Variants in CHIA observed in about 807,000 individuals in gnomAD.
The protein encoded by CHIA is acidic mammalian chitinase.
A neutral mutation model predicts 53.5 loss-of-function variants in CHIA; 47 were observed. That is an observed-to-expected ratio of 0.88 (90% CI 0.70 to 1.12). The LOEUF (loss-of-function observed/expected upper bound fraction) is 1.12, where lower values mean the gene tolerates loss of function less well. Among genes scored for constraint, CHIA ranks in the 50% most tolerant of loss-of-function variants. The pLI is 0.00. For synonymous variants in CHIA, 268 were observed against 222.2 expected (o/e 1.21, Z -1.83); for missense variants, 652 against 592.2 (o/e 1.10, Z -1.05).
At chr1:111,311,792 C>A (rs1386201945) in intron 3 of CHIA, 74 bp downstream of exon 3, 42 of 1,494,730 alleles carry the variant, frequency 2.8e-5, no homozygotes, top group Non-Finnish European at 3.8e-5. Context: ...AAGAGAGCCG[C>A]TGTTTGCTTC....
At position 111,298,374 on chromosome 1, in the gene CHIA, C is replaced by G. The variant is rs550246036; in HGVS notation, c.-69+7424C>G. 8.5e-5 allele frequency among the ~76,000 whole-genome samples: 13 copies of G among 152,280 alleles called. No individual in the cohort carries two copies. In the East Asian group the frequency reaches 2.5e-3, roughly 29 times the overall value. On this transcript the variant is annotated intron_variant, in intron 1 of 11. Coordinates refer to ENST00000369740, the MANE Select transcript of CHIA (RefSeq NM_201653.4). ...GCACTCCTCAGCAAATGTAAAAGAA[C>G]AGAAATCACAACAAACTGTCTCTAA... is the stretch of plus-strand genomic sequence containing the variant.
chr1:111,297,353 C>A (rs182929686), intron 1 of CHIA, among the ~76,000 whole-genome samples: 1 of 152,196 alleles, frequency 6.6e-6, no homozygotes, highest in African/African-American at 2.4e-5. Flanking sequence ...CAAAGGAAAA[C>A]CCATTGGACT....
rs749350753 is a variant in CHIA at position 111,312,227 on chromosome 1, G to T, written c.93G>T (p.Trp31Cys). ...AYQLTCYFTN[W>C]AQYRPGLGRF... ...AGCTGACATGCTACTTCACCAACTG[G>T]GCCCAGTACCGGCCAGGCCTGGGGC... is the stretch of plus-strand genomic sequence containing the variant. The change falls in exon 4 of 12, where the codon TGG becomes TGT. Residue 31 changes from tryptophan to cysteine, a missense_variant. Trp to Cys is a radical substitution (Grantham distance 215). Coordinates refer to ENST00000369740, the MANE Select transcript of CHIA (RefSeq NM_201653.4). 3 of 1,614,006 alleles carry T rather than the reference G, an allele frequency of 1.9e-6. No individual in the cohort carries two copies. The highest frequency in any genetic ancestry group is 2.2e-5 in the South Asian group (2 of 91,074).
chr1:111,313,350 G>A (rs1011311002), intron 4 of CHIA, among the ~76,000 whole-genome samples: 1 of 152,062 alleles, frequency 6.6e-6, no homozygotes, highest in Non-Finnish European at 1.5e-5. Flanking sequence ...CATTCTAAGC[G>A]GATTGAGTGG....
intron 1 of CHIA, among the ~76,000 whole-genome samples, chr1:111,301,298 C>T (rs1000788839): frequency 2.0e-5 from 3 of 152,114 alleles, no homozygotes; most frequent in African/African-American, 7.2e-5. Flanking sequence ...TATTGCGGCA[C>T]TATTCACAAT....
At chr1:111,300,250 C>G (rs544819402) in intron 1 of CHIA, among the ~76,000 whole-genome samples, 3 of 152,124 alleles carry the variant, frequency 2.0e-5, no homozygotes, top group South Asian at 4.2e-4. Flanking sequence ...TCATATGGAA[C>G]CAAAAAAGAG....
At chr1:111,296,021 A>G (rs970693252) in intron 1 of CHIA, among the ~76,000 whole-genome samples, 7 of 152,218 alleles carry the variant, frequency 4.6e-5, no homozygotes, top group African/African-American at 1.7e-4. Flanking sequence ...GGCATCCACC[A>G]TTGCTGAGGC....
intron 2 of CHIA, among the ~76,000 whole-genome samples, chr1:111,311,417 T>C (rs544196499): frequency 6.6e-6 from 1 of 152,346 alleles, no homozygotes; most frequent in East Asian, 1.9e-4. Flanking sequence ...AGTAAGTACA[T>C]CTTCCATAGA....
chr1:111,305,508 A>G (rs1056515893), intron 1 of CHIA, among the ~76,000 whole-genome samples: 1 of 152,232 alleles, frequency 6.6e-6, no homozygotes, highest in Admixed American at 6.5e-5. Context: ...CTCCTGGAAC[A>G]CATGCACAGC....
chr1:111,300,650 A>G (rs144854336), intron 1 of CHIA, among the ~76,000 whole-genome samples: 4,163 of 152,322 alleles, frequency 0.027, 85 homozygotes, highest in Non-Finnish European at 0.045. Context: ...CCTAGGCAAT[A>G]CCATTCAGGA....
At chr1:111,311,831 A>G in intron 3 of CHIA, 113 bp downstream of exon 3, 1 of 1,154,066 alleles carries the variant, frequency 8.7e-7, no homozygotes, top group Non-Finnish European at 1.3e-6. Flanking sequence ...TTTGGGAGTA[A>G]TCTAGTGTTT....
chr1:111,300,067 C>T (rs1352684063), intron 1 of CHIA, among the ~76,000 whole-genome samples: 1 of 152,030 alleles, frequency 6.6e-6, no homozygotes, highest in African/African-American at 2.4e-5. Flanking sequence ...AAGCACTGCT[C>T]AATGAAATTA....
Position 111,318,083 on chromosome 1 carries a change from A to T in CHIA, c.703A>T (p.Thr235Ser). 6.2e-7 allele frequency: 1 copy of T among 1,613,328 alleles called. No individual in the cohort carries two copies. Among genetic ancestry groups the T allele is most frequent in the East Asian group, 2.2e-5 (1 of 44,878 alleles). Reference sequence around the variant, plus strand: ...CCCCCTCTACAAATACCCGACTGACACCGGCAGCAACGCCTACCTCAATGT... The same window carrying T: ...CCCCCTCTACAAATACCCGACTGACTCCGGCAGCAACGCCTACCTCAATGT... Reference protein sequence around the residue: ...NSPLYKYPTDTGSNAYLNVDY... With the variant: ...NSPLYKYPTDSGSNAYLNVDY... The change falls in exon 8 of 12, where the codon ACC (threonine) becomes TCC (serine). Residue 235 changes from threonine (T) to serine (S), a missense_variant. Physicochemically the swap from Thr to Ser is moderately conservative, Grantham distance 58. Coordinates refer to ENST00000369740, the MANE Select transcript of CHIA (RefSeq NM_201653.4).
rs1303169576 is a variant in CHIA, at chr1:111,318,691, G to A, written c.915+13G>A. 6.2e-7 allele frequency: 1 copy of A among 1,607,246 alleles called. No homozygotes were observed. Among genetic ancestry groups the A allele is most frequent in the Admixed American group, 1.7e-5 (1 of 59,046 alleles). On this transcript the variant is annotated intron_variant, in intron 9 of 11. Coordinates refer to ENST00000369740, the MANE Select transcript of CHIA (RefSeq NM_201653.4). ...GGCTTACTACGAGGTATGTAGATTG[G>A]ACTGAAAAGTGCTCTGTGAATTCCG...
At position 111,320,425 on chromosome 1, in the gene CHIA, C is replaced by G. The variant is rs759369751; in HGVS notation, c.1390C>G (p.Leu464Val). Residue 464 changes from leucine to valine, a missense_variant, in exon 12 of 12, where the codon CTT (leucine) becomes GTT (valine). By Grantham distance (32) the Leu-to-Val change is conservative (BLOSUM62 1). Coordinates refer to ENST00000369740, the MANE Select transcript of CHIA (RefSeq NM_201653.4). ...GTACCAGCAGAACTGCCAGGCCGGGCTTGTCTTCGACACCAGCTGTGATTG... is the reference window on the plus strand; with the variant it reads ...GTACCAGCAGAACTGCCAGGCCGGGGTTGTCTTCGACACCAGCTGTGATTG... ...VTYQQNCQAG[L>V]VFDTSCDCCN... 3 of 1,614,038 alleles carry G rather than the reference C, an allele frequency of 1.9e-6. No homozygotes were observed. The African/African-American group carries it at 4.0e-5, about 22-fold the overall frequency.
At chr1:111,314,187 GA>G (rs1445871807) in intron 4 of CHIA, among the ~76,000 whole-genome samples, 6 of 152,024 alleles carry the variant, frequency 3.9e-5, no homozygotes, top group Non-Finnish European at 8.8e-5. Context: ...TAACATTACA[GA>G]GGCTAAAAAT....
chr1:111,317,618 A>T, intron 6 of CHIA, 63 bp from the exon 7 acceptor site: 1 of 1,555,820 alleles, frequency 6.4e-7, no homozygotes, highest in Non-Finnish European at 8.9e-7. Flanking sequence ...TATGTTTATT[A>T]GTATTATTTA....
At chr1:111,307,768 A>C (rs1470293586) in intron 1 of CHIA, among the ~76,000 whole-genome samples, 1 of 151,838 alleles carries the variant, frequency 6.6e-6, no homozygotes, top group Non-Finnish European at 1.5e-5. Context: ...TAGCCTCCCA[A>C]GTAGCTGAGA....
intron 6 of CHIA, chr1:111,316,643 G>A (rs890410186): frequency 4.6e-5 from 7 of 152,072 alleles, no homozygotes; most frequent in South Asian, 2.1e-4. Context: ...TGAGTATGAG[G>A]TATCTGTAGA....
Sources: allele counts gnomAD v4.1 joint callset (sites outside exome capture counted in the v4.1 genomes callset), GRCh38; gene constraint gnomAD v4.1.1; transcripts MANE v1.5; gene names NCBI Gene and HGNC (gene_info 2026-07-23, HGNC 2026-07-21).